Variants in NT5DC1 observed in about 807,000 individuals in gnomAD.
NT5DC1 encodes the protein 5'-nucleotidase domain-containing protein 1.
A neutral mutation model predicts 59.4 loss-of-function variants in NT5DC1; 42 were observed. The ratio of observed to expected loss-of-function variants is 0.71; its 90% CI spans 0.55 to 0.92. The LOEUF (loss-of-function observed/expected upper bound fraction) is 0.92, where lower values mean the gene tolerates loss of function less well. NT5DC1 is among the 40% of genes least tolerant of loss of function. NT5DC1 has a pLI of 0.00. For synonymous variants in NT5DC1, 172 were observed against 188.1 expected, an observed-to-expected ratio of 0.91 and a Z score of 0.70; for missense variants, 501 against 537.1, an observed-to-expected ratio of 0.93 and a Z score of 0.66.
rs576718437 is a variant in NT5DC1, at chr6:116,152,568, C to G, written c.529+34623C>G. Among the ~76,000 whole-genome samples, 4 of 152,284 alleles carry G rather than the reference C, an allele frequency of 2.6e-5. No individual in the cohort carries two copies. The South Asian group carries it at 8.3e-4, about 32-fold the overall frequency. ...ACTGGATTTATTCCCCTCTATCTCACATGGGACTTTCATCCTCTGTGCTTT... is the reference window on the plus strand; with the variant it reads ...ACTGGATTTATTCCCCTCTATCTCAGATGGGACTTTCATCCTCTGTGCTTT... On this transcript the variant is annotated intron_variant, in intron 6 of 11. Transcript: ENST00000319550.
chr6:116,189,051 C>T (rs1462931896), intron 6 of NT5DC1, among the ~76,000 whole-genome samples: 1 of 151,904 alleles, frequency 6.6e-6, no homozygotes, highest in African/African-American at 2.4e-5. Flanking sequence ...TGTATATTCA[C>T]AGTTAAAGTC....
At chr6:116,207,720 A>G (rs1336980790) in intron 6 of NT5DC1, among the ~76,000 whole-genome samples, 1 of 151,872 alleles carries the variant, frequency 6.6e-6, no homozygotes, top group Non-Finnish European at 1.5e-5. Context: ...TATTCTGGGA[A>G]CCCAGCCATT....
intron 6 of NT5DC1, among the ~76,000 whole-genome samples, chr6:116,172,621 C>T (rs963673254): frequency 4.6e-5 from 7 of 152,032 alleles, no homozygotes; most frequent in Non-Finnish European, 1.0e-4. Context: ...CGCCAGGCCA[C>T]ACCTTAGTAA....
chr6:116,228,125 C>T (rs1321145630), intron 8 of NT5DC1, among the ~76,000 whole-genome samples: 1 of 152,190 alleles, frequency 6.6e-6, no homozygotes, highest in African/African-American at 2.4e-5. Flanking sequence ...ACCAAAAGTC[C>T]TACCAGTCTC....
At chr6:116,193,310 A>C (rs554862151) in intron 6 of NT5DC1, among the ~76,000 whole-genome samples, 1 of 152,202 alleles carries the variant, frequency 6.6e-6, no homozygotes, top group South Asian at 2.1e-4. Context: ...TGATAACAAA[A>C]CCTATAAATA....
At chr6:116,153,077 C>T (rs62414131) in intron 6 of NT5DC1, among the ~76,000 whole-genome samples, 2,293 of 151,862 alleles carry the variant, frequency 0.015, 14 homozygotes, top group Non-Finnish European at 0.025. Context: ...TAATATATAA[C>T]ATTTAATAAA....
At chr6:116,188,486 ATGAATGAATCT>A (rs1781049299) in intron 6 of NT5DC1, among the ~76,000 whole-genome samples, 1 of 152,074 alleles carries the variant, frequency 6.6e-6, no homozygotes, top group Non-Finnish European at 1.5e-5. Context: ...TATGAACAAC[ATGAATGAATCT>A]TAAAAACAGA....
At chr6:116,181,854 C>G (rs1487905664) in intron 6 of NT5DC1, among the ~76,000 whole-genome samples, 1 of 151,944 alleles carries the variant, frequency 6.6e-6, no homozygotes, top group African/African-American at 2.4e-5. Flanking sequence ...AGTGCAATTC[C>G]AACCAAAATT....
chr6:116,128,017 G>C (rs2857394), intron 6 of NT5DC1, among the ~76,000 whole-genome samples: 1 of 152,066 alleles, frequency 6.6e-6, no homozygotes, highest in African/African-American at 2.4e-5. Flanking sequence ...TCCTGTGCTT[G>C]AGGTATTCTG....
At chr6:116,124,464 A>C (rs1476780081) in intron 6 of NT5DC1, among the ~76,000 whole-genome samples, 1 of 152,192 alleles carries the variant, frequency 6.6e-6, no homozygotes, top group Non-Finnish European at 1.5e-5. Flanking sequence ...TAATCTTCAA[A>C]GAGTAACCAA....
chr6:116,229,368 T>C (rs1013013773), intron 8 of NT5DC1, among the ~76,000 whole-genome samples: 2 of 152,188 alleles, frequency 1.3e-5, no homozygotes, highest in Admixed American at 6.5e-5. Context: ...TTAATGCAAC[T>C]GAGCTGGCTG....
chr6:116,147,695 A>C (rs1779933319), intron 6 of NT5DC1, among the ~76,000 whole-genome samples: 1 of 152,242 alleles, frequency 6.6e-6, no homozygotes, highest in Non-Finnish European at 1.5e-5. Context: ...ATAAACTTTA[A>C]AAATGTTAAA....
intron 6 of NT5DC1, among the ~76,000 whole-genome samples, chr6:116,149,356 G>A (rs1273802405): frequency 6.6e-6 from 1 of 152,158 alleles, no homozygotes; most frequent in Admixed American, 6.5e-5. Context: ...TATTCTTCCA[G>A]TACGTATGAC....
rs758139847 is a variant in NT5DC1, at chr6:116,247,232, A to G, written c.*3208A>G. On this transcript the variant is annotated 3_prime_UTR_variant, in exon 12 of 12. Transcript: ENST00000319550. Reference sequence around the variant, plus strand: ...AGGACATGAGAGGGATTAACATTGAAGACACAGCCTCTATCTTTAAGTAAT... The same window carrying G: ...AGGACATGAGAGGGATTAACATTGAGGACACAGCCTCTATCTTTAAGTAAT... 1 of 152,212 alleles carries G rather than the reference A, an allele frequency of 6.6e-6. No homozygotes were observed. The highest frequency in any genetic ancestry group is 1.5e-5 in the Non-Finnish European group (1 of 68,016). 9.4% of individuals were successfully genotyped at this position (152,212 alleles called of 1,614,324 possible).
intron 6 of NT5DC1, among the ~76,000 whole-genome samples, chr6:116,133,504 T>C (rs555519625): frequency 1.3e-5 from 2 of 152,290 alleles, no homozygotes; most frequent in South Asian, 4.2e-4. Context: ...ACCTGTAGAA[T>C]ATTAAGTACC....
At chr6:116,102,182 G>GCAGA (rs1244742219) in intron 1 of NT5DC1, among the ~76,000 whole-genome samples, 2 of 152,198 alleles carry the variant, frequency 1.3e-5, no homozygotes, top group Non-Finnish European at 2.9e-5. Context: ...GATCACTGGT[G>GCAGA]CAGACATCAG....
At chr6:116,226,820 A>G (rs929544072) in intron 8 of NT5DC1, among the ~76,000 whole-genome samples, 9 of 151,964 alleles carry the variant, frequency 5.9e-5, no homozygotes, top group Admixed American at 5.9e-4. Flanking sequence ...TTTAATTTCT[A>G]CTTTCTCTAA....
At chr6:116,204,903 A>T (rs1781419838) in intron 6 of NT5DC1, among the ~76,000 whole-genome samples, 1 of 151,890 alleles carries the variant, frequency 6.6e-6, no homozygotes, top group Non-Finnish European at 1.5e-5. Flanking sequence ...TTTTGAAGTC[A>T]TTTTTTTGGG....
intron 6 of NT5DC1, among the ~76,000 whole-genome samples, chr6:116,156,275 C>T (rs537443968): frequency 2.1e-4 from 32 of 152,080 alleles, no homozygotes; most frequent in East Asian, 1.9e-4. Context: ...TCTAATTTTC[C>T]GGCAAAACTA....
Sources: gnomAD v4.1 joint callset for allele counts (sites outside exome capture counted in the v4.1 genomes callset) on GRCh38, gnomAD v4.1.1 for gene constraint, MANE v1.5 for transcripts, NCBI Gene and HGNC (gene_info 2026-07-23, HGNC 2026-07-21) for gene names.